The following HDAC9 variants were observed in gnomAD, a reference collection of about 807,000 sequenced individuals.
HDAC9 encodes the protein histone deacetylase 9, also known as MEF-2 interacting transcription repressor (MITR) protein.
Under a neutral mutation model 139.4 loss-of-function variants are expected in HDAC9, and 41 were observed. That is an observed-to-expected ratio of 0.29 (90% CI 0.23 to 0.38). HDAC9 has a LOEUF of 0.38. HDAC9 is among the 10% of genes least tolerant of loss of function. The pLI is 1.00. For missense variants in HDAC9, 1,147 were observed against 1,297.0 expected, an observed-to-expected ratio of 0.88 and a Z score of 1.78; for synonymous variants, 517 against 476.2, an observed-to-expected ratio of 1.09 and a Z score of -1.12.
rs1323501223 is a variant in HDAC9, at chr7:19,000,946, TGATA to T, written c.*4889_*4892del. 1 of 152,214 alleles carries T rather than the reference TGATA, an allele frequency of 6.6e-6. No individual in the cohort carries two copies. Among genetic ancestry groups the T allele is most frequent in the African/African-American group, 2.4e-5 (1 of 41,468 alleles). The allele number at this position is 152,214 out of a possible 1,614,324, so 9.4% of individuals were successfully genotyped here. ...TTCATGCCATTTTATATAAACATTT[TGATA>T]GATACTCTGTCTTTTGTTTTTTATC... On this transcript the variant is annotated 3_prime_UTR_variant, in exon 26 of 26. Transcript: ENST00000686413.
intron 22 of HDAC9, among the ~76,000 whole-genome samples, chr7:18,922,402 C>A (rs1406982756): frequency 4.0e-5 from 6 of 151,890 alleles, no homozygotes. Context: ...GTGAGAGGAT[C>A]AACTCAAATA....
chr7:18,858,095 A>G (rs1443604831), intron 21 of HDAC9, among the ~76,000 whole-genome samples: 3 of 152,180 alleles, frequency 2.0e-5, no homozygotes, highest in African/African-American at 7.2e-5. Flanking sequence ...TCACAGTATC[A>G]TGACAGCAGT....
At chr7:18,638,526 C>T (rs1248124990) in intron 8 of HDAC9, among the ~76,000 whole-genome samples, 1 of 152,090 alleles carries the variant, frequency 6.6e-6, no homozygotes, top group Non-Finnish European at 1.5e-5. Context: ...TGTCAGACTT[C>T]CCCTGACCCC....
intron 21 of HDAC9, among the ~76,000 whole-genome samples, chr7:18,854,336 T>C (rs898586336): frequency 3.3e-5 from 5 of 152,184 alleles, no homozygotes; most frequent in South Asian, 4.1e-4. Context: ...TTTACTGTCA[T>C]ATATTGGCAG....
chr7:18,586,192 A>G (rs1415590951), intron 3 of HDAC9, among the ~76,000 whole-genome samples: 1 of 152,156 alleles, frequency 6.6e-6, no homozygotes, highest in Non-Finnish European at 1.5e-5. Context: ...TCCATATTCC[A>G]GAATTTTTAA....
intron 2 of HDAC9, among the ~76,000 whole-genome samples, chr7:18,565,071 A>C (rs1480164616): frequency 6.6e-6 from 1 of 151,894 alleles, no homozygotes; most frequent in East Asian, 1.9e-4. Flanking sequence ...AATTTGGCTC[A>C]CCGCAACCTC....
rs551732635 is a variant in HDAC9, at chr7:18,827,190, C to T, written c.2323-1971C>T. Among the ~76,000 whole-genome samples the T allele has an allele frequency of 3.3e-5, 5 of 152,070 alleles. No individual in the cohort carries two copies. In the South Asian group the frequency reaches 1.0e-3, roughly 31 times the overall value. On this transcript the variant is annotated intron_variant, in intron 17 of 25. Coordinates refer to ENST00000686413, the MANE Select transcript of HDAC9 (RefSeq NM_178425.4). ...ACTATGTATATTATTAATACTAACA[C>T]TTCAAAAATTTACATGATAAAGTCT...
rs903848528 is a variant in HDAC9, at chr7:18,929,624, T to G, written c.2804-6185T>G. Among the ~76,000 whole-genome samples the G allele has an allele frequency of 6.6e-5, 10 of 152,168 alleles. 1 individual carries two copies. Among genetic ancestry groups the G allele is most frequent in the Admixed American group, 5.2e-4 (8 of 15,278 alleles). On this transcript the variant is annotated intron_variant, in intron 22 of 25. Transcript: ENST00000686413. Reference sequence around the variant, plus strand: ...ATATTTCCTAAAATAAAAGCTTAAGTTACCAAATCTCTTTTAAAAAGTATC... The same window carrying G: ...ATATTTCCTAAAATAAAAGCTTAAGGTACCAAATCTCTTTTAAAAAGTATC...
intron 21 of HDAC9, among the ~76,000 whole-genome samples, chr7:18,846,595 A>G (rs994431754): frequency 3.3e-5 from 5 of 152,234 alleles, no homozygotes; most frequent in African/African-American, 1.2e-4. Flanking sequence ...AAGTACGAAG[A>G]CTTATAAAAG....
intron 6 of HDAC9, among the ~76,000 whole-genome samples, chr7:18,599,423 A>G (rs801537): frequency 0.71 from 108,274 of 152,098 alleles, 40,001 homozygotes; most frequent in Non-Finnish European, 0.82. Flanking sequence ...GATATAGAAT[A>G]GTTTTACCAC....
At chr7:18,361,206 T>G (rs565981884) in intron 1 of HDAC9, among the ~76,000 whole-genome samples, 1 of 152,330 alleles carries the variant, frequency 6.6e-6, no homozygotes, top group East Asian at 1.9e-4. Context: ...TGTATTCCTT[T>G]GTCTGATCAA....
At chr7:18,358,909 TAGTC>T (rs770931555) in intron 1 of HDAC9, among the ~76,000 whole-genome samples, 3 of 152,224 alleles carry the variant, frequency 2.0e-5, no homozygotes, top group Non-Finnish European at 4.4e-5. Context: ...ACCTGTCACA[TAGTC>T]AGTAGTATTC....
intron 1 of HDAC9, among the ~76,000 whole-genome samples, chr7:18,309,209 G>A (rs999336126): frequency 4.6e-5 from 7 of 152,052 alleles, no homozygotes; most frequent in African/African-American, 1.4e-4. Flanking sequence ...AGGTACACTC[G>A]TCCTTGGTTT....
At chr7:18,647,196 T>G (rs1047754610) in intron 9 of HDAC9, among the ~76,000 whole-genome samples, 10 of 152,264 alleles carry the variant, frequency 6.6e-5, no homozygotes, top group Non-Finnish European at 1.5e-4. Flanking sequence ...TGCCTTTAAC[T>G]TAAACAGTGT....
chr7:18,180,228 C>T (rs1490143812), intron 2 of HDAC9, among the ~76,000 whole-genome samples: 2 of 32,906 alleles, frequency 6.1e-5, no homozygotes, highest in Non-Finnish European at 2.0e-4. Flanking sequence ...AAGACACATA[C>T]ACACACACAC....
chr7:18,197,075 AAG>A (rs1343347309), intron 2 of HDAC9, among the ~76,000 whole-genome samples: 1 of 152,148 alleles, frequency 6.6e-6, no homozygotes, highest in East Asian at 1.9e-4. Flanking sequence ...CCCCTTATGT[AAG>A]AGAGAATTCT....
chr7:18,205,344 A>C (rs1244235725), intron 2 of HDAC9, among the ~76,000 whole-genome samples: 2 of 152,014 alleles, frequency 1.3e-5, no homozygotes, highest in African/African-American at 4.8e-5. Context: ...ATATGCTTTA[A>C]ATGTAGTAGG....
intron 2 of HDAC9, among the ~76,000 whole-genome samples, chr7:18,195,083 A>T (rs1790631137): frequency 1.3e-5 from 2 of 152,150 alleles, no homozygotes; most frequent in Admixed American, 1.3e-4. Flanking sequence ...CGCTGTCAAT[A>T]ATAGGAAGTA....
intron 25 of HDAC9, among the ~76,000 whole-genome samples, chr7:18,986,600 C>G: frequency 6.7e-6 from 1 of 149,624 alleles, no homozygotes; most frequent in Non-Finnish European, 1.5e-5. Flanking sequence ...TTTTCCAATT[C>G]TGTGAAGAAA....
Sources: allele counts gnomAD v4.1 joint callset (sites outside exome capture counted in the v4.1 genomes callset), GRCh38; gene constraint gnomAD v4.1.1; transcripts MANE v1.5; gene names NCBI Gene and HGNC (gene_info 2026-07-23, HGNC 2026-07-21).